GTF3A: variants seen among roughly 807,000 people sequenced by gnomAD.
GTF3A encodes general transcription factor IIIA, also known as transcription factor IIIA.
In GTF3A, 40 loss-of-function variants were observed where a neutral mutation model predicts 37.6. That is an observed-to-expected ratio of 1.06 (90% CI 0.83 to 1.38). GTF3A has a LOEUF of 1.38. GTF3A is among the 40% of genes most tolerant of loss of function. The probability of loss-of-function intolerance (pLI) is 0.00; values close to 1 mark genes in which losing one functional copy is unlikely to be tolerated. For missense variants in GTF3A, 500 were observed against 462.6 expected (o/e 1.08, Z -0.74); for synonymous variants, 191 against 166.7 (o/e 1.15, Z -1.12).
Position 27,434,999 on chromosome 13 carries a change from G to T in GTF3A, c.838G>T (p.Glu280Ter). The T allele has an allele frequency of 6.2e-7, 1 of 1,609,776 alleles. No homozygotes were observed. The highest frequency in any genetic ancestry group is 8.5e-7 in the Non-Finnish European group (1 of 1,176,084). Residue 280 changes from glutamate to a stop codon, truncating the protein, a stop_gained, in exon 7 of 9, where the codon GAA becomes TAA. Coordinates refer to ENST00000381140, the MANE Select transcript of GTF3A (RefSeq NM_002097.3). LOFTEE classifies it high-confidence loss of function. ...TGAGGAAAGCCGCCCTTTTGTGTGT[G>T]AACATGCTGGCTGTGGCAAAACATT...
chr13:27,429,802 G>GAT, intron 2 of GTF3A, 68 bp from the exon 3 acceptor site: 2 of 712,132 alleles, frequency 2.8e-6, no homozygotes, highest in South Asian at 2.2e-5. Context: ...AAAGTAGGAA[G>GAT]ATATATGTGT....
chr13:27,433,993 A>T, intron 5 of GTF3A, 146 bp from the exon 6 acceptor site: 1 of 580,448 alleles, frequency 1.7e-6, no homozygotes, highest in Non-Finnish European at 3.1e-6. Flanking sequence ...ATCTTTTTTT[A>T]GTTTTTATTC....
intron 6 of GTF3A, among the ~76,000 whole-genome samples, chr13:27,434,460 G>A (rs190231608): frequency 2.8e-4 from 42 of 152,328 alleles, no homozygotes; most frequent in Non-Finnish European, 1.3e-4. Context: ...GAAGAATTTC[G>A]GGAGGCACTG....
chr13:27,435,527 A>T lies in GTF3A; in HGVS notation c.1028A>T (p.Gln343Leu). The change falls in exon 9 of 9, where the codon CAA (glutamine) becomes CTA (leucine). Residue 343 changes from glutamine (Q) to leucine (L), a missense_variant. By Grantham distance (113) the Gln-to-Leu change is moderately radical. Transcript: ENST00000381140. ...CAAGGGCAAGGCTTATCTTTGTGTCAAAACGGAGAGTCACCCAACTGTGTG... is the reference window on the plus strand; with the variant it reads ...CAAGGGCAAGGCTTATCTTTGTGTCTAAACGGAGAGTCACCCAACTGTGTG... The T allele has an allele frequency of 6.2e-7, 1 of 1,613,558 alleles. No homozygotes were observed. The highest frequency in any genetic ancestry group is 1.1e-5 in the South Asian group (1 of 91,064).
chr13:27,427,604 T>C (rs1174715762), intron 2 of GTF3A, among the ~76,000 whole-genome samples: 1 of 152,046 alleles, frequency 6.6e-6, no homozygotes, highest in Non-Finnish European at 1.5e-5. Flanking sequence ...CAGGGCACTT[T>C]AATTGAAAAA....
At chr13:27,430,831 T>C (rs1445828509) in intron 4 of GTF3A, among the ~76,000 whole-genome samples, 1 of 152,250 alleles carries the variant, frequency 6.6e-6, no homozygotes, top group African/African-American at 2.4e-5. Flanking sequence ...CATTCTTTAT[T>C]GGATGCATAA....
chr13:27,434,734 A>G (rs898516679), intron 6 of GTF3A, 71 bp from the exon 7 acceptor site: 14 of 760,730 alleles, frequency 1.8e-5, no homozygotes, highest in Non-Finnish European at 3.1e-5. Context: ...TTACTTATAT[A>G]TTAGGTATTA....
At chr13:27,425,294 C>G (rs1953595641) in intron 1 of GTF3A, 1 of 246,050 alleles carries the variant, frequency 4.1e-6, no homozygotes, top group African/African-American at 2.2e-5. Context: ...GTTACATGTA[C>G]CAGGGGTCGT....
chr13:27,424,749 G>GGCCGTGGTCGCC lies in GTF3A; in HGVS notation c.14_25dup (p.Ala5_Ala8dup). The stretch of plus-strand genomic sequence containing the variant: ...GAGGCGCCGGCGCCCTGGATCCGCC[G>GGCCGTGGTCGCC]GCCGTGGTCGCCGAGTCGGTGTCGT... On this transcript the variant is annotated inframe_insertion, in exon 1 of 9. Transcript: ENST00000381140. 1 of 1,473,348 alleles carries GGCCGTGGTCGCC rather than the reference G, an allele frequency of 6.8e-7. No homozygotes were observed. Among genetic ancestry groups the GGCCGTGGTCGCC allele is most frequent in the Non-Finnish European group, 9.0e-7 (1 of 1,112,136 alleles). The allele number at this position is 1,473,348 out of a possible 1,614,324, so 91.3% of individuals were successfully genotyped here.
chr13:27,428,185 C>T (rs549850533), intron 2 of GTF3A, among the ~76,000 whole-genome samples: 1 of 152,324 alleles, frequency 6.6e-6, no homozygotes, highest in East Asian at 1.9e-4. Context: ...GTTTGATCTT[C>T]TCTCATGTTC....
intron 5 of GTF3A, among the ~76,000 whole-genome samples, chr13:27,433,869 C>T (rs909771115): frequency 6.6e-6 from 1 of 152,152 alleles, no homozygotes; most frequent in African/African-American, 2.4e-5. Context: ...TGAAGTTTGC[C>T]TATTCCGTGA....
intron 2 of GTF3A, 95 bp from the exon 3 acceptor site, chr13:27,429,775 G>T: frequency 1.6e-6 from 1 of 609,372 alleles, no homozygotes; most frequent in South Asian, 2.5e-5. Context: ...CTATTCTTTG[G>T]AAGAATTAGC....
At chr13:27,426,480 G>A (rs1953606081) in intron 1 of GTF3A, 2 of 152,236 alleles carry the variant, frequency 1.3e-5, no homozygotes, top group South Asian at 2.1e-4. Flanking sequence ...GTTATTTGGG[G>A]TGTGTGTTTG....
chr13:27,434,210 AC>A lies in GTF3A; in HGVS notation c.637del (p.His213IlefsTer24). ...GGAACTTCTGAAACATGTGAGAGAA[AC>A]CCATAAAGGTAAGGCAGGCATGAAT... On this transcript the variant is annotated frameshift_variant, in exon 6 of 9. Coordinates refer to ENST00000381140, the MANE Select transcript of GTF3A (RefSeq NM_002097.3). LOFTEE classifies it high-confidence loss of function. 2 of 1,267,334 alleles carry A rather than the reference AC, an allele frequency of 1.6e-6. No individual in the cohort carries two copies. Among genetic ancestry groups the A allele is most frequent in the Non-Finnish European group, 2.3e-6 (2 of 863,190 alleles). The allele number at this position is 1,267,334 out of a possible 1,614,324, so 78.5% of individuals were successfully genotyped here.
Position 27,427,179 on chromosome 13 carries a change from G to T in GTF3A, c.289G>T (p.Glu97Ter). The change falls in exon 2 of 9, where the codon GAA becomes TAA. Residue 97 changes from glutamate to a stop codon, truncating the protein, a stop_gained. Transcript: ENST00000381140. LOFTEE classifies it high-confidence loss of function. ...CCGCCACATTCTGACTCACACAGGA[G>T]AAAAGCCGTTTGTGTAAGTAGAGAC... The T allele has an allele frequency of 6.3e-7, 1 of 1,588,216 alleles. No individual in the cohort carries two copies. The highest frequency in any genetic ancestry group is 1.1e-5 in the South Asian group (1 of 89,682).
Position 27,434,214 on chromosome 13 carries a change from A to G in GTF3A, c.638A>G (p.His213Arg). ...CTTCTGAAACATGTGAGAGAAACCC[A>G]TAAAGGTAAGGCAGGCATGAATGGC... Residue 213 changes from histidine (H) to arginine (R), a missense_variant, in exon 6 of 9, where the codon CAT becomes CGT. By Grantham distance (29) the His-to-Arg change is conservative (BLOSUM62 0). Transcript: ENST00000381140. 1 of 1,220,254 alleles carries G rather than the reference A, an allele frequency of 8.2e-7. No individual in the cohort carries two copies. 75.6% of individuals were successfully genotyped at this position (1,220,254 alleles called of 1,614,324 possible). A position where few individuals can be genotyped will look rare whatever the true frequency, so the allele number is the denominator to read the frequency against.
chr13:27,432,936 T>G (rs1046384308), intron 5 of GTF3A, 132 bp downstream of exon 5: 21 of 707,146 alleles, frequency 3.0e-5, no homozygotes, highest in Admixed American at 4.5e-5. Flanking sequence ...ATTTGGGTCT[T>G]ACACTCTTGT....
chr13:27,425,232 C>T lies in GTF3A; in HGVS notation c.201+294C>T, dbSNP rs7993294. 4.8e-3 allele frequency: 1,782 copies of T among 371,566 alleles called. 26 individuals are homozygous for T. The highest frequency in any genetic ancestry group is 0.034 in the African/African-American group (1,624 of 47,658). The allele number at this position is 371,566 out of a possible 1,614,324, so 23.0% of individuals were successfully genotyped here. ...AAGTGTGAGGTTTGAGGGGGCCCAC[C>T]GCTACTAGACACCTGCCAAACACTG... On this transcript the variant is annotated intron_variant, in intron 1 of 8. Transcript: ENST00000381140.
At position 27,424,759 on chromosome 13, in the gene GTF3A, G is replaced by A; in HGVS notation, c.22G>A (p.Ala8Thr). 6.7e-7 allele frequency: 1 copy of A among 1,484,546 alleles called. No homozygotes were observed. Among genetic ancestry groups the A allele is most frequent in the Non-Finnish European group, 9.0e-7 (1 of 1,116,424 alleles). 92.0% of individuals were successfully genotyped at this position (1,484,546 alleles called of 1,614,324 possible). ...CGCCCTGGATCCGCCGGCCGTGGTC[G>A]CCGAGTCGGTGTCGTCCTTGACCAT... The change falls in exon 1 of 9, where the codon GCC (alanine) becomes ACC (threonine). Residue 8 changes from alanine to threonine, a missense_variant. Transcript: ENST00000381140.
Sources: allele counts gnomAD v4.1 joint callset (sites outside exome capture counted in the v4.1 genomes callset), GRCh38; gene constraint gnomAD v4.1.1; transcripts MANE v1.5; gene names NCBI Gene and HGNC (gene_info 2026-07-23, HGNC 2026-07-21).